Variants in CAPN5 observed in about 807,000 individuals in gnomAD.
CAPN5 encodes calpain-5.
CAPN5 carries 54 observed loss-of-function variants against 73.0 expected under a neutral mutation model. The ratio of observed to expected loss-of-function variants is 0.74; its 90% confidence interval spans 0.59 to 0.93. The LOEUF is 0.93. Among genes scored for constraint, CAPN5 ranks in the 40% least tolerant of loss-of-function variants. The pLI is 0.00. For missense variants in CAPN5, 785 were observed against 882.9 expected (o/e 0.89, Z 1.41); for synonymous variants, 335 against 356.9 (o/e 0.94, Z 0.69).
chr11:77,102,841 T>G lies in CAPN5; in HGVS notation c.297+9028T>G, dbSNP rs1381612479. On this transcript the variant is annotated intron_variant, in intron 3 of 12. Transcript: ENST00000648180. ...GTTGGTGGCAGCAGCACTTGGGCCA[T>G]GGCGGAGGACAGGCCGCAGCAGCCG... The G allele has an allele frequency of 2.5e-6, 4 of 1,581,456 alleles. No homozygotes were observed. In the African/African-American group the frequency reaches 5.4e-5, roughly 21 times the overall value.
At chr11:77,075,980 T>C (rs1949964846) in intron 1 of CAPN5, among the ~76,000 whole-genome samples, 1 of 152,226 alleles carries the variant, frequency 6.6e-6, no homozygotes, top group Non-Finnish European at 1.5e-5. Flanking sequence ...ATGTAATATT[T>C]TGAAATGTGT....
intron 10 of CAPN5, 38 bp from the exon 11 acceptor site, chr11:77,121,896 T>C: frequency 8.2e-7 from 1 of 1,212,600 alleles, no homozygotes; most frequent in Non-Finnish European, 1.2e-6. Context: ...TCCTGGCCCT[T>C]CTCCATCACT....
chr11:77,117,046 T>G (rs1555041887), intron 7 of CAPN5, among the ~76,000 whole-genome samples: 1 of 152,108 alleles, frequency 6.6e-6, no homozygotes, highest in East Asian at 1.9e-4. Flanking sequence ...GAGACCAGCC[T>G]GGGCAGCATA....
chr11:77,109,962 C>CAG (rs1201337239), intron 3 of CAPN5, among the ~76,000 whole-genome samples: 1 of 152,184 alleles, frequency 6.6e-6, no homozygotes, highest in Non-Finnish European at 1.5e-5. Flanking sequence ...AGGGCAGGAG[C>CAG]AGAAGGAGGG....
At chr11:77,085,422 C>T (rs1200224842) in intron 2 of CAPN5, among the ~76,000 whole-genome samples, 5 of 152,152 alleles carry the variant, frequency 3.3e-5, no homozygotes, top group Non-Finnish European at 5.9e-5. Flanking sequence ...AAGGAATTTA[C>T]TTTCCTGATT....
intron 3 of CAPN5, among the ~76,000 whole-genome samples, chr11:77,108,327 G>C (rs1555040219): frequency 6.6e-6 from 1 of 152,202 alleles, no homozygotes; most frequent in African/African-American, 2.4e-5. Flanking sequence ...TGACTGTTGG[G>C]GGGGTGCTCA....
intron 3 of CAPN5, among the ~76,000 whole-genome samples, chr11:77,106,005 C>T (rs1259176931): frequency 3.9e-5 from 6 of 152,080 alleles, no homozygotes; most frequent in Admixed American, 2.0e-4. Context: ...TGGGATGGAC[C>T]GGGGAGATGG....
intron 2 of CAPN5, among the ~76,000 whole-genome samples, chr11:77,088,612 C>A (rs968936172): frequency 6.6e-6 from 1 of 152,124 alleles, no homozygotes. Flanking sequence ...CCTTCCCAGA[C>A]CTGTTTCCCA....
chr11:77,119,380 T>C (rs971679352), intron 9 of CAPN5: 2 of 564,686 alleles, frequency 3.5e-6, no homozygotes, highest in Non-Finnish European at 6.3e-6. Context: ...CTGATTTCTT[T>C]CTGCCTAAGA....
intron 1 of CAPN5, among the ~76,000 whole-genome samples, chr11:77,079,109 A>G (rs183576009): frequency 1.3e-5 from 2 of 152,182 alleles, no homozygotes; most frequent in Non-Finnish European, 2.9e-5. Flanking sequence ...TTACTTGATC[A>G]TGGTGAATGA....
intron 11 of CAPN5, 33 bp from the exon 12 acceptor site, chr11:77,122,543 A>ACCCCCCCCCCCCCC: frequency 2.2e-6 from 1 of 459,858 alleles, no homozygotes; most frequent in Non-Finnish European, 3.7e-6. Flanking sequence ...CCCCACCCCC[A>ACCCCCCCCCCCCCC]CCCTCACCCC....
chr11:77,107,113 G>C (rs1446827929), intron 3 of CAPN5, among the ~76,000 whole-genome samples: 10 of 152,168 alleles, frequency 6.6e-5, no homozygotes, highest in Admixed American at 6.5e-4. Context: ...GAGCAGCAGG[G>C]CTCTGCTCTC....
intron 3 of CAPN5, among the ~76,000 whole-genome samples, chr11:77,111,071 T>C (rs1591140973): frequency 6.6e-6 from 1 of 152,124 alleles, no homozygotes; most frequent in African/African-American, 2.4e-5. Flanking sequence ...ATTGTGGCTA[T>C]TGTCCTCATC....
intron 1 of CAPN5, among the ~76,000 whole-genome samples, chr11:77,075,795 T>C (rs1431551623): frequency 6.6e-6 from 1 of 151,988 alleles, no homozygotes; most frequent in African/African-American, 2.4e-5. Flanking sequence ...ACCACCCAGG[T>C]CAAGAAGTAG....
In CAPN5 at chr11:77,122,611, GAC is replaced by G; in HGVS notation, c.1641_1642del (p.Asp547GlufsTer43). On this transcript the variant is annotated frameshift_variant, in exon 12 of 13. Transcript: ENST00000648180. LOFTEE classifies it high-confidence loss of function. ...NSYVIIKCEG[D>X]KVRSAVQKGT... is the part of the protein sequence containing the mutation. The stretch of plus-strand genomic sequence containing the variant: ...TTATGTGATCATCAAGTGTGAGGGA[GAC>G]AAAGTCCGCTCGGCTGTGCAGAAGG... The G allele has an allele frequency of 6.2e-7, 1 of 1,613,466 alleles. No homozygotes were observed. The highest frequency in any genetic ancestry group is 8.5e-7 in the Non-Finnish European group (1 of 1,179,776).
chr11:77,123,466 A>G (rs2135492160), intron 12 of CAPN5, among the ~76,000 whole-genome samples: 1 of 152,190 alleles, frequency 6.6e-6, no homozygotes, highest in South Asian at 2.1e-4. Context: ...AACAGATTTC[A>G]CTTTATGCAT....
intron 2 of CAPN5, among the ~76,000 whole-genome samples, chr11:77,092,587 A>G (rs927218515): frequency 2.0e-5 from 3 of 152,388 alleles, no homozygotes; most frequent in South Asian, 2.1e-4. Flanking sequence ...CCAGTTGCTC[A>G]TGGATCATTC....
At chr11:77,084,800 A>C (rs1259366494) in intron 1 of CAPN5, 52 bp from the exon 2 acceptor site, 2 of 1,534,446 alleles carry the variant, frequency 1.3e-6, no homozygotes, top group East Asian at 2.3e-5. Context: ...CACAGGGCAC[A>C]TCAGGGACCC....
chr11:77,104,017 A>G (rs560305903), intron 3 of CAPN5, among the ~76,000 whole-genome samples: 1 of 152,334 alleles, frequency 6.6e-6, no homozygotes, highest in African/African-American at 2.4e-5. Context: ...CTCTACGCAC[A>G]CATATCCATG....
Sources: gnomAD v4.1 joint callset for allele counts (sites outside exome capture counted in the v4.1 genomes callset) on GRCh38, gnomAD v4.1.1 for gene constraint, MANE v1.5 for transcripts, NCBI Gene and HGNC (gene_info 2026-07-23, HGNC 2026-07-21) for gene names.